Variants in NARF observed in about 807,000 individuals in gnomAD.
NARF encodes the protein iron-only hydrogenase-like protein 2.
NARF carries 41 observed loss-of-function variants against 48.0 expected under a neutral mutation model. The ratio of observed to expected loss-of-function variants is 0.85; its 90% confidence interval spans 0.66 to 1.11. NARF has a LOEUF of 1.11. NARF is among the 50% of genes least tolerant of loss of function. The probability of loss-of-function intolerance (pLI) is 0.00; values close to 1 mark genes in which losing one functional copy is unlikely to be tolerated. For missense variants in NARF, 613 were observed against 590.2 expected (o/e 1.04, Z -0.40); for synonymous variants, 215 against 225.5 (o/e 0.95, Z 0.42).
At chr17:82,476,199 G>A (rs952853398) in intron 5 of NARF, among the ~76,000 whole-genome samples, 25 of 152,090 alleles carry the variant, frequency 1.6e-4, no homozygotes, top group African/African-American at 5.8e-4. Context: ...GTAGAGACAG[G>A]GTTTTACCAT....
At chr17:82,467,592 C>T (rs2043599763) in intron 3 of NARF, among the ~76,000 whole-genome samples, 2 of 152,168 alleles carry the variant, frequency 1.3e-5, no homozygotes, top group Admixed American at 1.3e-4. Flanking sequence ...TCAACCTCCA[C>T]CTCCCGGGTT....
At chr17:82,468,188 A>G (rs993124470) in intron 3 of NARF, among the ~76,000 whole-genome samples, 2 of 152,018 alleles carry the variant, frequency 1.3e-5, no homozygotes, top group Non-Finnish European at 2.9e-5. Flanking sequence ...GCAGGTCCCT[A>G]TAATCCCAGC....
rs996521228 is a variant in NARF, at chr17:82,489,246, C to T, written c.*1089C>T. The T allele has an allele frequency of 5.9e-6, 1 of 170,510 alleles. No homozygotes were observed. Among genetic ancestry groups the T allele is most frequent in the African/African-American group, 2.4e-5 (1 of 41,278 alleles). 10.6% of individuals were successfully genotyped at this position (170,510 alleles called of 1,614,324 possible). ...CCACCCTCCTCCCATTCCTCACAGC[C>T]AGTCACCACCCTCCTGGACCACACT... On this transcript the variant is annotated 3_prime_UTR_variant, in exon 11 of 11. Coordinates refer to ENST00000309794, the MANE Select transcript of NARF (RefSeq NM_012336.4).
At chr17:82,478,305 T>A (rs1296598985) in intron 5 of NARF, among the ~76,000 whole-genome samples, 1 of 152,220 alleles carries the variant, frequency 6.6e-6, no homozygotes, top group East Asian at 1.9e-4. Context: ...TTATTACGAC[T>A]TGAGGAGTAT....
Position 82,490,466 on chromosome 17 carries a change from A to T in NARF, c.*2309A>T, listed in dbSNP as rs1169811618. 6.6e-6 allele frequency: 1 copy of T among 152,182 alleles called. No individual in the cohort carries two copies. Among genetic ancestry groups the T allele is most frequent in the African/African-American group, 2.4e-5 (1 of 41,426 alleles). 9.4% of individuals were successfully genotyped at this position (152,182 alleles called of 1,614,324 possible). A position where few individuals can be genotyped will look rare whatever the true frequency, so the allele number is the denominator to read the frequency against. Reference sequence around the variant, plus strand: ...CTGCATATATTGTGTTCAGTTGTGTATTTGTTTTGCTTTCAGTCTATATAC... The same window carrying T: ...CTGCATATATTGTGTTCAGTTGTGTTTTTGTTTTGCTTTCAGTCTATATAC... On this transcript the variant is annotated 3_prime_UTR_variant, in exon 11 of 11. Transcript: ENST00000309794.
Position 82,488,360 on chromosome 17 carries a change from G to A in NARF, c.*203G>A. On this transcript the variant is annotated 3_prime_UTR_variant, in exon 11 of 11. Transcript: ENST00000309794. Reference sequence around the variant, plus strand: ...GTGGTGCTATCTTCATAATAGGTGTGGGATTGGAACTTTTTTTTTCTTTTT... The same window carrying A: ...GTGGTGCTATCTTCATAATAGGTGTAGGATTGGAACTTTTTTTTTCTTTTT... 2.7e-6 allele frequency: 2 copies of A among 749,636 alleles called. No individual in the cohort carries two copies. Among genetic ancestry groups the A allele is most frequent in the Non-Finnish European group, 4.0e-6 (2 of 500,022 alleles). The allele number at this position is 749,636 out of a possible 1,614,324, so 46.4% of individuals were successfully genotyped here.
At chr17:82,467,232 A>C (rs921075134) in intron 3 of NARF, among the ~76,000 whole-genome samples, 5 of 143,418 alleles carry the variant, frequency 3.5e-5, no homozygotes, top group Non-Finnish European at 7.6e-5. Context: ...TTTTTAGTAG[A>C]GATGGGGTTT....
chr17:82,458,686 G>C, upstream of NARF: 4 of 1,336,122 alleles, frequency 3.0e-6, no homozygotes, highest in Non-Finnish European at 3.9e-6. Flanking sequence ...CGGCCGTTGG[G>C]GGTGAGGCCG....
intron 6 of NARF, 152 bp downstream of exon 6, chr17:82,479,070 G>T: frequency 1.6e-6 from 1 of 616,758 alleles, no homozygotes; most frequent in East Asian, 3.0e-5. Context: ...CATCAGCAGT[G>T]CTGTTTCTCA....
intron 7 of NARF, chr17:82,483,303 A>C (rs987036607): frequency 3.8e-5 from 13 of 340,972 alleles, no homozygotes; most frequent in African/African-American, 1.3e-4. Context: ...TGGGCGGCGG[A>C]GGTGAGACTC....
At chr17:82,478,081 G>T (rs1599843835) in intron 5 of NARF, among the ~76,000 whole-genome samples, 1 of 152,180 alleles carries the variant, frequency 6.6e-6, no homozygotes, top group African/African-American at 2.4e-5. Context: ...CCTAAAATCA[G>T]TTGCCAGGTC....
intron 6 of NARF, 71 bp downstream of exon 6, chr17:82,478,989 G>A: frequency 6.9e-7 from 1 of 1,451,378 alleles, no homozygotes; most frequent in Non-Finnish European, 9.5e-7. Flanking sequence ...CCAGGAAGGG[G>A]AGGTTCCCCA....
chr17:82,480,716 G>T (rs1048907915), intron 6 of NARF: 4 of 441,826 alleles, frequency 9.1e-6, no homozygotes, highest in African/African-American at 2.0e-5. Context: ...CAGATTGCCT[G>T]AGCTCAGGAG....
chr17:82,475,878 C>G (rs1318967782), intron 5 of NARF, among the ~76,000 whole-genome samples: 2 of 152,116 alleles, frequency 1.3e-5, no homozygotes, highest in Non-Finnish European at 2.9e-5. Context: ...TAGGACCTCT[C>G]ATAAGGAAAT....
At chr17:82,478,999 A>AGG in intron 6 of NARF, 81 bp downstream of exon 6, 1 of 1,378,068 alleles carries the variant, frequency 7.3e-7, no homozygotes, top group Non-Finnish European at 1.0e-6. Flanking sequence ...GAGGTTCCCC[A>AGG]TCTGTCCAGC....
rs150694147 is a variant in NARF at position 82,464,298 on chromosome 17, C to A, written c.120C>A (p.Phe40Leu). The change falls in exon 3 of 11, where the codon TTC becomes TTA. Residue 40 changes from phenylalanine (F) to leucine (L), a missense_variant. Coordinates refer to ENST00000309794, the MANE Select transcript of NARF (RefSeq NM_012336.4). ...PAQENGEKGE[F>L]HKLADAKIFL... Reference sequence around the variant, plus strand: ...GTCATCTTTCATAGAAGGGAGAATTCCACAAGTTGGCTGATGCCAAGATAT... The same window carrying A: ...GTCATCTTTCATAGAAGGGAGAATTACACAAGTTGGCTGATGCCAAGATAT... 1 of 1,613,132 alleles carries A rather than the reference C, an allele frequency of 6.2e-7. No homozygotes were observed. Among genetic ancestry groups the A allele is most frequent in the Non-Finnish European group, 8.5e-7 (1 of 1,179,646 alleles).
chr17:82,464,013 C>T (rs1012467829), intron 2 of NARF: 5 of 363,678 alleles, frequency 1.4e-5, no homozygotes, highest in Admixed American at 4.3e-5. Flanking sequence ...TTACTTCCTA[C>T]CACGTGACAG....
chr17:82,462,089 T>C (rs1366823625), intron 2 of NARF, among the ~76,000 whole-genome samples: 1 of 152,208 alleles, frequency 6.6e-6, no homozygotes, highest in Non-Finnish European at 1.5e-5. Flanking sequence ...ATCAGAGGCC[T>C]GGGGAGTAGG....
At chr17:82,477,978 TAG>T (rs1567940471) in intron 5 of NARF, 1 of 152,122 alleles carries the variant, frequency 6.6e-6, no homozygotes, top group Non-Finnish European at 1.5e-5. Context: ...CCGCCAGGAG[TAG>T]AGTCTCCCAA....
Sources: gnomAD v4.1 joint callset for allele counts (sites outside exome capture counted in the v4.1 genomes callset) on GRCh38, gnomAD v4.1.1 for gene constraint, MANE v1.5 for transcripts, NCBI Gene and HGNC (gene_info 2026-07-23, HGNC 2026-07-21) for gene names.